The following CNTNAP2 variants were observed in gnomAD, a reference collection of about 807,000 sequenced individuals.
CNTNAP2 encodes the protein contactin-associated protein-like 2.
CNTNAP2 carries 98 observed loss-of-function variants against 155.2 expected under a neutral mutation model. The ratio of observed to expected loss-of-function variants is 0.63; its 90% CI spans 0.54 to 0.75. CNTNAP2 has a LOEUF of 0.75. CNTNAP2 is among the 30% of genes least tolerant of loss of function. The pLI, the probability that CNTNAP2 is intolerant of heterozygous loss-of-function variation, is 0.00. For missense variants in CNTNAP2, 1,727 were observed against 1,688.1 expected (o/e 1.02, Z -0.40); for synonymous variants, 651 against 631.2 (o/e 1.03, Z -0.47).
chr7:146,861,310 C>G (rs1036856539), intron 3 of CNTNAP2, among the ~76,000 whole-genome samples: 1 of 152,108 alleles, frequency 6.6e-6, no homozygotes, highest in African/African-American at 2.4e-5. Flanking sequence ...GCCTCGGCCT[C>G]CCAAAGTGCT....
chr7:147,831,024 C>CT (rs1232481057), intron 13 of CNTNAP2, among the ~76,000 whole-genome samples: 1 of 152,146 alleles, frequency 6.6e-6, no homozygotes, highest in Non-Finnish European at 1.5e-5. Context: ...AAATCTTAAT[C>CT]TTTGAGTTTT....
intron 3 of CNTNAP2, among the ~76,000 whole-genome samples, chr7:146,910,780 G>T (rs998874311): frequency 3.4e-5 from 5 of 148,452 alleles, no homozygotes; most frequent in African/African-American, 1.3e-4. Flanking sequence ...AAAAGCAATG[G>T]CAACAAAAGC....
intron 22 of CNTNAP2, among the ~76,000 whole-genome samples, chr7:148,386,805 A>G (rs760977306): frequency 2.6e-5 from 4 of 152,214 alleles, no homozygotes; most frequent in Admixed American, 6.5e-5. Flanking sequence ...CCTTATTTAT[A>G]TGCATATAGG....
At chr7:147,165,073 A>T (rs1011119116) in intron 8 of CNTNAP2, among the ~76,000 whole-genome samples, 1 of 152,224 alleles carries the variant, frequency 6.6e-6, no homozygotes, top group African/African-American at 2.4e-5. Flanking sequence ...AGCTTGAACA[A>T]GAGATCCTGA....
chr7:147,156,168 A>G (rs1801923146), intron 8 of CNTNAP2, among the ~76,000 whole-genome samples: 1 of 152,164 alleles, frequency 6.6e-6, no homozygotes, highest in Non-Finnish European at 1.5e-5. Context: ...ATCACAAAGC[A>G]AAATATAAGA....
chr7:148,125,089 T>C (rs909589621), intron 16 of CNTNAP2, among the ~76,000 whole-genome samples: 3 of 152,072 alleles, frequency 2.0e-5, no homozygotes, highest in African/African-American at 7.2e-5. Context: ...TCTAAATATA[T>C]GGTCATCTAA....
At chr7:146,588,152 A>C (rs1798725440) in intron 1 of CNTNAP2, among the ~76,000 whole-genome samples, 1 of 152,120 alleles carries the variant, frequency 6.6e-6, no homozygotes, top group African/African-American at 2.4e-5. Context: ...CACCTTCAGA[A>C]GTTTTCAGTA....
At chr7:148,010,758 C>G (rs1802066695) in intron 15 of CNTNAP2, among the ~76,000 whole-genome samples, 1 of 151,952 alleles carries the variant, frequency 6.6e-6, no homozygotes. Flanking sequence ...ACCCTCTGCC[C>G]CCACATATGC....
At chr7:146,309,704 G>A (rs1415681704) in intron 1 of CNTNAP2, among the ~76,000 whole-genome samples, 1 of 151,922 alleles carries the variant, frequency 6.6e-6, no homozygotes, top group African/African-American at 2.4e-5. Context: ...CGGAGGATGA[G>A]GCAGGAGACT....
Position 147,886,475 on chromosome 7 carries a change from C to CAAAAAAAAAAAAA in CNTNAP2, c.2099-17074_2099-17062dup, listed in dbSNP as rs532837902. On this transcript the variant is annotated intron_variant, in intron 13 of 23. Transcript: ENST00000361727. ...GGGCAACAAGAGGGAAACTCCATCTCAAAAAAAAAAAAAAAAAAAAAAAAA... is the reference window on the plus strand; with the variant it reads ...GGGCAACAAGAGGGAAACTCCATCTCAAAAAAAAAAAAAAAAAAAAAAAAAAAAAAAAAAAAAA... Among the ~76,000 whole-genome samples, 17 of 39,738 alleles carry CAAAAAAAAAAAAA rather than the reference C, an allele frequency of 4.3e-4. 1 individual carries two copies. Among genetic ancestry groups the CAAAAAAAAAAAAA allele is most frequent in the East Asian group, 2.8e-3 (2 of 714 alleles). The allele number at this position is 39,738 out of a possible 152,430, so 26.1% of individuals were successfully genotyped here. A position where few individuals can be genotyped will look rare whatever the true frequency, so the allele number is the denominator to read the frequency against.
At chr7:146,317,957 C>T (rs1309884857) in intron 1 of CNTNAP2, among the ~76,000 whole-genome samples, 4 of 151,980 alleles carry the variant, frequency 2.6e-5, no homozygotes, top group Admixed American at 6.5e-5. Flanking sequence ...CTGGCTAACA[C>T]GGTGAAACCT....
chr7:146,400,226 C>T (rs1795693897), intron 1 of CNTNAP2, among the ~76,000 whole-genome samples: 1 of 151,468 alleles, frequency 6.6e-6, no homozygotes, highest in African/African-American at 2.4e-5. Context: ...AGTAAAATCC[C>T]GAATTTGTGC....
chr7:146,494,549 C>A (rs1295171083), intron 1 of CNTNAP2, among the ~76,000 whole-genome samples: 2 of 151,848 alleles, frequency 1.3e-5, no homozygotes, highest in Admixed American at 1.3e-4. Flanking sequence ...AGCATTGATA[C>A]CCTGCTTACA....
intron 21 of CNTNAP2, among the ~76,000 whole-genome samples, chr7:148,298,712 G>A (rs760212323): frequency 6.6e-5 from 10 of 152,090 alleles, no homozygotes; most frequent in Middle Eastern, 3.4e-3. Flanking sequence ...ATATTTTTTA[G>A]ACAGGGTCTC....
rs538240622 is a variant in CNTNAP2 at position 146,594,682 on chromosome 7, C to T, written c.98-179589C>T. Among the ~76,000 whole-genome samples the T allele has an allele frequency of 3.6e-4, 54 of 152,076 alleles. 2 individuals are homozygous for T. The South Asian group carries it at 7.3e-3, about 20-fold the overall frequency. On this transcript the variant is annotated intron_variant, in intron 1 of 23. Coordinates refer to ENST00000361727, the MANE Select transcript of CNTNAP2 (RefSeq NM_014141.6). ...ACCTTTTCAGGAGCCATGGTGGTTC[C>T]GAGATGCTTTAAAAATAAATTACCA...
intron 9 of CNTNAP2, among the ~76,000 whole-genome samples, chr7:147,310,064 T>G (rs1795095013): frequency 6.6e-6 from 1 of 152,164 alleles, no homozygotes; most frequent in African/African-American, 2.4e-5. Flanking sequence ...GAAACTGTTT[T>G]TCCACTTGGA....
chr7:146,695,260 C>T (rs1456374052), intron 1 of CNTNAP2, among the ~76,000 whole-genome samples: 1 of 151,922 alleles, frequency 6.6e-6, no homozygotes, highest in Non-Finnish European at 1.5e-5. Context: ...GAAGTTGTTC[C>T]CCTTTATGCC....
At chr7:148,217,642 A>C in intron 19 of CNTNAP2, 118 bp downstream of exon 19, 1 of 1,130,714 alleles carries the variant, frequency 8.8e-7, no homozygotes, top group Non-Finnish European at 1.3e-6. Flanking sequence ...TTTTTAAGCA[A>C]GTCACATAAC....
chr7:147,548,912 T>G (rs1212799637), intron 11 of CNTNAP2, among the ~76,000 whole-genome samples: 4 of 152,194 alleles, frequency 2.6e-5, no homozygotes, highest in Non-Finnish European at 5.9e-5. Flanking sequence ...GAGCAGATGC[T>G]TGTAGATGTA....
Sources: allele counts gnomAD v4.1 joint callset (sites outside exome capture counted in the v4.1 genomes callset), GRCh38; gene constraint gnomAD v4.1.1; transcripts MANE v1.5; gene names NCBI Gene and HGNC (gene_info 2026-07-23, HGNC 2026-07-21).